The following ULK1 variants were observed in gnomAD, a reference collection of about 807,000 sequenced individuals.
ULK1 encodes the protein unc-51 like autophagy activating kinase 1.
In ULK1, 48 loss-of-function variants were observed where a neutral mutation model predicts 117.5. That is an observed-to-expected ratio of 0.41 (90% CI 0.32 to 0.52). The LOEUF (loss-of-function observed/expected upper bound fraction) is 0.52. ULK1 is among the 20% of genes least tolerant of loss of function. The pLI, the probability that ULK1 is intolerant of heterozygous loss-of-function variation, is 0.29. For missense variants in ULK1, 1,387 were observed against 1,473.4 expected, an observed-to-expected ratio of 0.94 and a Z score of 0.96; for synonymous variants, 790 against 637.8, an observed-to-expected ratio of 1.24 and a Z score of -3.60.
At chr12:131,919,031 G>A (rs1344918725) in intron 23 of ULK1, among the ~76,000 whole-genome samples, 181 bp from the exon 24 acceptor site, 3 of 148,012 alleles carry the variant, frequency 2.0e-5, no homozygotes, top group African/African-American at 5.0e-5. Flanking sequence ...TGTGTGGGGT[G>A]TACGGTGTGT....
chr12:131,907,739 GCCTCC>G (rs1566117933), intron 5 of ULK1, among the ~76,000 whole-genome samples: 1 of 152,166 alleles, frequency 6.6e-6, no homozygotes, highest in African/African-American at 2.4e-5. Context: ...CCCTCCGCTG[GCCTCC>G]CCCTTGCTTG....
intron 26 of ULK1, 23 bp downstream of exon 26, chr12:131,920,159 T>C: frequency 2.5e-6 from 4 of 1,604,764 alleles, no homozygotes; most frequent in Non-Finnish European, 3.4e-6. Flanking sequence ...CAGACACCAG[T>C]GGGGCAGGGG....
intron 16 of ULK1, among the ~76,000 whole-genome samples, chr12:131,914,834 G>A (rs972473837): frequency 5.9e-5 from 9 of 152,172 alleles, no homozygotes; most frequent in Non-Finnish European, 1.3e-4. Flanking sequence ...GGGTGCCTTG[G>A]GTTGGCACCC....
chr12:131,907,556 G>A (rs1889325675), intron 5 of ULK1, 25 bp downstream of exon 5: 1 of 1,604,988 alleles, frequency 6.2e-7, no homozygotes, highest in Non-Finnish European at 8.5e-7. Context: ...GCGCCACCTG[G>A]GCTGCCAGCC....
At chr12:131,914,531 A>C in intron 16 of ULK1, 54 bp downstream of exon 16, 1 of 1,577,404 alleles carries the variant, frequency 6.3e-7, no homozygotes, top group Non-Finnish European at 8.6e-7. Flanking sequence ...GTGTGGCAGG[A>C]GCCCTTCCAC....
At chr12:131,912,206 C>T in intron 13 of ULK1, 117 bp downstream of exon 13, 1 of 1,420,216 alleles carries the variant, frequency 7.0e-7, no homozygotes, top group Non-Finnish European at 9.3e-7. Context: ...TAGGATGGGC[C>T]CCTGGGAGCC....
At chr12:131,898,079 G>A (rs955192374) in intron 3 of ULK1, 5 of 152,238 alleles carry the variant, frequency 3.3e-5, no homozygotes, top group African/African-American at 7.2e-5. Flanking sequence ...CAGAAAGCAC[G>A]GGCTGTGAGG....
At position 131,907,222 on chromosome 12, in the gene ULK1, G is replaced by A. The variant is rs538513749; in HGVS notation, c.280-273G>A. On this transcript the variant is annotated intron_variant, in intron 4 of 27. Coordinates refer to ENST00000321867, the MANE Select transcript of ULK1 (RefSeq NM_003565.4). ...TTTAGTAGAGATGGGGTTTCGCCAC[G>A]TTGGCCAGGCTGGTCTTGAACCTCC... Among the ~76,000 whole-genome samples the A allele has an allele frequency of 1.1e-4, 17 of 152,288 alleles. 1 individual carries two copies. The East Asian group carries it at 2.7e-3, about 24-fold the overall frequency.
intron 12 of ULK1, among the ~76,000 whole-genome samples, chr12:131,911,502 C>T (rs1199692201): frequency 6.6e-6 from 1 of 152,226 alleles, no homozygotes; most frequent in Non-Finnish European, 1.5e-5. Context: ...GGATGGTGTG[C>T]CCTGGGCCTT....
In ULK1 at chr12:131,910,296, T is replaced by G; in HGVS notation, c.851T>G (p.Val284Gly). The change falls in exon 11 of 28, where the codon GTC becomes GGC. Residue 284 changes from valine to glycine, a missense_variant. By Grantham distance (109) the Val-to-Gly change is moderately radical (BLOSUM62 -3). Transcript: ENST00000321867. The stretch of plus-strand genomic sequence containing the variant: ...CCTTTCCTCGATGCCAGCCCCTCGG[T>G]CAGGAAATGTGAGTTTCTGTGGGTC... ...HHPFLDASPS[V>G]RKSPPVPVPS... is the part of the protein sequence containing the mutation. 1 of 1,613,774 alleles carries G rather than the reference T, an allele frequency of 6.2e-7. No individual in the cohort carries two copies. The highest frequency in any genetic ancestry group is 8.5e-7 in the Non-Finnish European group (1 of 1,179,988).
intron 16 of ULK1, among the ~76,000 whole-genome samples, 168 bp downstream of exon 16, chr12:131,914,645 G>A (rs1484066340): frequency 2.0e-5 from 3 of 152,222 alleles, no homozygotes; most frequent in African/African-American, 7.2e-5. Flanking sequence ...TGGGTTTCTA[G>A]AGTTATTTTG....
At chr12:131,913,918 G>C (rs1337461301) in intron 15 of ULK1, 82 bp downstream of exon 15, 4 of 1,229,078 alleles carry the variant, frequency 3.3e-6, no homozygotes, top group Non-Finnish European at 4.3e-6. Flanking sequence ...GTCGCAGCCA[G>C]CCCAGGCCTG....
intron 3 of ULK1, among the ~76,000 whole-genome samples, chr12:131,899,542 G>A (rs773087784): frequency 1.3e-5 from 2 of 151,708 alleles, no homozygotes; most frequent in Non-Finnish European, 2.9e-5. Flanking sequence ...CCAGGCTGGA[G>A]TGCAGTGGCA....
chr12:131,910,401 A>C (rs1204976681), intron 11 of ULK1, 97 bp downstream of exon 11: 18 of 1,553,046 alleles, frequency 1.2e-5, no homozygotes. Flanking sequence ...CAGAGGGAGC[A>C]GGTCTTGAGC....
chr12:131,915,606 T>C (rs972901091), intron 18 of ULK1, among the ~76,000 whole-genome samples, 185 bp downstream of exon 18: 1 of 152,184 alleles, frequency 6.6e-6, no homozygotes, highest in Non-Finnish European at 1.5e-5. Context: ...ATCCCCTCTG[T>C]GCCAGTCTTC....
intron 23 of ULK1, among the ~76,000 whole-genome samples, chr12:131,918,999 G>A (rs1318726404): frequency 4.3e-5 from 6 of 138,326 alleles, no homozygotes; most frequent in South Asian, 2.5e-4. Context: ...TGTGTGGGGT[G>A]CAGGGTGTGT....
intron 26 of ULK1, 111 bp downstream of exon 26, chr12:131,920,247 C>T (rs1890092676): frequency 1.4e-6 from 2 of 1,391,880 alleles, no homozygotes; most frequent in Non-Finnish European, 1.9e-6. Context: ...TGGGGGGTGT[C>T]ACTTCTGGAG....
At chr12:131,919,925 C>T in intron 25 of ULK1, 54 bp from the exon 26 acceptor site, 1 of 1,587,912 alleles carries the variant, frequency 6.3e-7, no homozygotes, top group Non-Finnish European at 8.6e-7. Flanking sequence ...ATGGCCACTC[C>T]AGCCCTGCCC....
At chr12:131,920,977 C>A in intron 26 of ULK1, 123 bp from the exon 27 acceptor site, 1 of 1,340,964 alleles carries the variant, frequency 7.5e-7, no homozygotes, top group Non-Finnish European at 9.9e-7. Flanking sequence ...GCACTTATGT[C>A]TCCACGTCAC....
Sources: allele counts gnomAD v4.1 joint callset (sites outside exome capture counted in the v4.1 genomes callset), GRCh38; gene constraint gnomAD v4.1.1; transcripts MANE v1.5; gene names NCBI Gene and HGNC (gene_info 2026-07-23, HGNC 2026-07-21).